Variants in CTNNA3 observed in about 807,000 individuals in gnomAD.
CTNNA3 encodes the protein catenin alpha-3.
CTNNA3 carries 76 observed loss-of-function variants against 95.7 expected under a neutral mutation model. The observed-to-expected ratio is 0.79, with a 90% CI of 0.66 to 0.96. CTNNA3 has a LOEUF of 0.96. Among genes scored for constraint, CTNNA3 ranks in the 40% least tolerant of loss-of-function variants. The pLI is 0.00. For synonymous variants in CTNNA3, 431 were observed against 374.4 expected (o/e 1.15, Z -1.74); for missense variants, 1,191 against 1,089.8 (o/e 1.09, Z -1.31).
intron 12 of CTNNA3, among the ~76,000 whole-genome samples, chr10:66,293,913 C>A (rs1262193192): frequency 2.6e-5 from 4 of 152,060 alleles, no homozygotes; most frequent in African/African-American, 9.7e-5. Flanking sequence ...GATCTGCCCA[C>A]CTCTGCCTCC....
chr10:66,714,391 C>A (rs1371647575), intron 9 of CTNNA3, among the ~76,000 whole-genome samples: 1 of 152,114 alleles, frequency 6.6e-6, no homozygotes, highest in Non-Finnish European at 1.5e-5. Context: ...AACAAGCAAG[C>A]CAGATACACA....
At chr10:66,690,764 G>C (rs1051670138) in intron 9 of CTNNA3, among the ~76,000 whole-genome samples, 11 of 151,886 alleles carry the variant, frequency 7.2e-5, no homozygotes, top group Admixed American at 3.3e-4. Flanking sequence ...GCTATTGTGA[G>C]TAGTGCCGCA....
intron 7 of CTNNA3, among the ~76,000 whole-genome samples, chr10:66,992,340 T>G (rs2132940036): frequency 6.6e-6 from 1 of 152,280 alleles, no homozygotes; most frequent in Non-Finnish European, 1.5e-5. Context: ...GTTTATATCC[T>G]TTGCCTATTT....
chr10:66,334,852 T>G (rs2132333598), intron 12 of CTNNA3, among the ~76,000 whole-genome samples: 1 of 152,236 alleles, frequency 6.6e-6, no homozygotes, highest in African/African-American at 2.4e-5. Flanking sequence ...ATTCTCCCCA[T>G]CACTTTCAGG....
intron 1 of CTNNA3, among the ~76,000 whole-genome samples, chr10:67,672,791 T>C (rs536700081): frequency 0.018 from 2,787 of 151,788 alleles, 90 homozygotes; most frequent in African/African-American, 0.064. Flanking sequence ...AGTCAGGTAG[T>C]GTGATGCCTC....
At chr10:67,100,295 A>G (rs1858265761) in intron 7 of CTNNA3, among the ~76,000 whole-genome samples, 1 of 151,792 alleles carries the variant, frequency 6.6e-6, no homozygotes, top group African/African-American at 2.4e-5. Flanking sequence ...GCCCTAAGCT[A>G]CACCAAATAC....
chr10:66,627,329 G>C (rs1244993160), intron 9 of CTNNA3, among the ~76,000 whole-genome samples: 1 of 151,996 alleles, frequency 6.6e-6, no homozygotes, highest in Non-Finnish European at 1.5e-5. Context: ...GTCAATCAAG[G>C]ATCCTGGTCC....
At chr10:67,278,899 G>A (rs1484099973) in intron 5 of CTNNA3, among the ~76,000 whole-genome samples, 1 of 152,122 alleles carries the variant, frequency 6.6e-6, no homozygotes, top group African/African-American at 2.4e-5. Flanking sequence ...GAGAATTTAT[G>A]GTTTGTAGGG....
At chr10:66,906,326 T>G (rs565331940) in intron 7 of CTNNA3, among the ~76,000 whole-genome samples, 1 of 152,280 alleles carries the variant, frequency 6.6e-6, no homozygotes, top group African/African-American at 2.4e-5. Context: ...CAAAACTCTA[T>G]GCCTAGAAAT....
chr10:67,720,935 C>G (rs1315121385), intron 1 of CTNNA3, among the ~76,000 whole-genome samples: 1 of 152,090 alleles, frequency 6.6e-6, no homozygotes, highest in Non-Finnish European at 1.5e-5. Context: ...GCCTGGGTCA[C>G]AGAGTGAGAC....
At chr10:67,680,180 C>T (rs1203611935) in intron 1 of CTNNA3, among the ~76,000 whole-genome samples, 1 of 152,174 alleles carries the variant, frequency 6.6e-6, no homozygotes, top group Non-Finnish European at 1.5e-5. Flanking sequence ...TTGGAAGCTT[C>T]ATCCTGTGCC....
intron 5 of CTNNA3, among the ~76,000 whole-genome samples, chr10:67,251,646 G>A (rs1050251689): frequency 6.6e-6 from 1 of 152,146 alleles, no homozygotes; most frequent in Non-Finnish European, 1.5e-5. Context: ...AGGAAGTCAA[G>A]ATCAAGGGAC....
In CTNNA3 at chr10:67,258,689, G is replaced by A. The variant is rs143810141; in HGVS notation, c.580-38819C>T. On this transcript the variant is annotated intron_variant, in intron 5 of 17. Coordinates refer to ENST00000433211, the MANE Select transcript of CTNNA3 (RefSeq NM_013266.4). The stretch of plus-strand genomic sequence containing the variant: ...TTCCATGAAAACTGAAGCCCCAAAG[G>A]TTGAATGAATCTTAAAAATTAGTCA... Among the ~76,000 whole-genome samples, 195 of 152,158 alleles carry A rather than the reference G, an allele frequency of 1.3e-3. 4 individuals carry two copies. In the East Asian group the frequency reaches 0.033, roughly 26 times the overall value.
At chr10:66,605,606 C>G (rs1249160867) in intron 10 of CTNNA3, among the ~76,000 whole-genome samples, 1 of 152,108 alleles carries the variant, frequency 6.6e-6, no homozygotes, top group Non-Finnish European at 1.5e-5. Flanking sequence ...TAACAGTGGA[C>G]CTTTCAGCAG....
At chr10:66,964,182 G>C (rs1196471639) in intron 7 of CTNNA3, among the ~76,000 whole-genome samples, 1 of 151,896 alleles carries the variant, frequency 6.6e-6, no homozygotes, top group Non-Finnish European at 1.5e-5. Flanking sequence ...TAACATCGTA[G>C]GAAAAACTTT....
At chr10:67,094,738 A>G (rs1056406434) in intron 7 of CTNNA3, among the ~76,000 whole-genome samples, 1 of 151,758 alleles carries the variant, frequency 6.6e-6, no homozygotes, top group Admixed American at 6.6e-5. Context: ...ATCTTACTTG[A>G]CATTCCAATA....
intron 13 of CTNNA3, among the ~76,000 whole-genome samples, chr10:66,239,037 G>A (rs1489838690): frequency 6.6e-6 from 1 of 151,720 alleles, no homozygotes; most frequent in Non-Finnish European, 1.5e-5. Flanking sequence ...ATATATGACA[G>A]CATCTATCAG....
intron 7 of CTNNA3, among the ~76,000 whole-genome samples, chr10:67,164,603 T>C (rs964701904): frequency 6.6e-6 from 1 of 152,144 alleles, no homozygotes; most frequent in Non-Finnish European, 1.5e-5. Flanking sequence ...CTTCATTAGC[T>C]ACAAACTGCA....
chr10:66,445,957 A>ATCAAATAG (rs1488208636), intron 11 of CTNNA3, among the ~76,000 whole-genome samples: 1 of 152,134 alleles, frequency 6.6e-6, no homozygotes, highest in Non-Finnish European at 1.5e-5. Flanking sequence ...AGAGAGAAGA[A>ATCAAATAG]TCAAATAGAT....
Sources: gnomAD v4.1 joint callset for allele counts (sites outside exome capture counted in the v4.1 genomes callset) on GRCh38, gnomAD v4.1.1 for gene constraint, MANE v1.5 for transcripts, NCBI Gene and HGNC (gene_info 2026-07-23, HGNC 2026-07-21) for gene names.